Variants in TBCD observed in about 807,000 individuals in gnomAD.
The protein encoded by TBCD is tubulin-specific chaperone D.
TBCD carries 105 observed loss-of-function variants against 169.3 expected under a neutral mutation model. The observed-to-expected ratio is 0.62, with a 90% CI of 0.53 to 0.73. TBCD has a LOEUF of 0.73. TBCD is among the 30% of genes least tolerant of loss of function. The pLI, the probability that TBCD is intolerant of heterozygous loss-of-function variation, is 0.00. For synonymous variants in TBCD, 700 were observed against 643.9 expected, an observed-to-expected ratio of 1.09 and a Z score of -1.32; for missense variants, 1,444 against 1,600.1, an observed-to-expected ratio of 0.90 and a Z score of 1.66.
intron 36 of TBCD, among the ~76,000 whole-genome samples, chr17:82,938,722 CCAGGG>C (rs1292964765): frequency 6.6e-6 from 1 of 151,906 alleles, no homozygotes; most frequent in Non-Finnish European, 1.5e-5. Flanking sequence ...GACATGATGA[CCAGGG>C]CACCACTCAA....
At chr17:82,885,249 G>A (rs1476378726) in intron 15 of TBCD, among the ~76,000 whole-genome samples, 3 of 152,172 alleles carry the variant, frequency 2.0e-5, no homozygotes, top group East Asian at 3.9e-4. Context: ...TTTCCTGTCA[G>A]CCCTGCAGTG....
intron 13 of TBCD, among the ~76,000 whole-genome samples, chr17:82,851,763 T>TA (rs2145666769): frequency 6.6e-6 from 1 of 152,286 alleles, no homozygotes; most frequent in East Asian, 1.9e-4. Context: ...GCAGGAGCCT[T>TA]ACACACGGAA....
intron 32 of TBCD, 77 bp downstream of exon 32, chr17:82,929,577 G>A (rs1179351372): frequency 6.4e-7 from 1 of 1,561,332 alleles, no homozygotes; most frequent in South Asian, 1.1e-5. Flanking sequence ...TTGGGAGCAT[G>A]TATGGAGCTG....
At chr17:82,809,538 C>T (rs926031995) in intron 11 of TBCD, among the ~76,000 whole-genome samples, 170 bp from the exon 12 acceptor site, 9 of 152,146 alleles carry the variant, frequency 5.9e-5, no homozygotes, top group Admixed American at 1.3e-4. Flanking sequence ...TACCCTGCAG[C>T]GTGTTTTAGC....
intron 13 of TBCD, among the ~76,000 whole-genome samples, chr17:82,867,353 C>T (rs1433622253): frequency 1.3e-5 from 2 of 152,314 alleles, no homozygotes; most frequent in South Asian, 2.1e-4. Flanking sequence ...TGGGACTCAG[C>T]GGTTTGCACC....
At chr17:82,781,385 G>A (rs572261458) in intron 6 of TBCD, among the ~76,000 whole-genome samples, 16 of 151,922 alleles carry the variant, frequency 1.1e-4, no homozygotes, top group Non-Finnish European at 2.4e-4. Context: ...TGAGGGCCCT[G>A]GTCAGGGCAG....
At chr17:82,897,823 T>C (rs1417584940) in intron 17 of TBCD, among the ~76,000 whole-genome samples, 1 of 152,228 alleles carries the variant, frequency 6.6e-6, no homozygotes, top group African/African-American at 2.4e-5. Flanking sequence ...TGGTTCTCAC[T>C]GTGTGGACGC....
intron 37 of TBCD, among the ~76,000 whole-genome samples, chr17:82,939,811 C>T (rs907587484): frequency 3.3e-5 from 5 of 152,178 alleles, no homozygotes; most frequent in African/African-American, 1.2e-4. Context: ...CTGCCCCAGA[C>T]CTCTCTAAAG....
intron 13 of TBCD, among the ~76,000 whole-genome samples, chr17:82,826,414 C>CT (rs2052855838): frequency 6.6e-6 from 1 of 151,968 alleles, no homozygotes; most frequent in Non-Finnish European, 1.5e-5. Context: ...ATGAGTCAGG[C>CT]TTTTTTTGTT....
intron 21 of TBCD, 35 bp from the exon 22 acceptor site, chr17:82,909,250 A>G: frequency 6.9e-7 from 1 of 1,446,564 alleles, no homozygotes; most frequent in South Asian, 1.3e-5. Flanking sequence ...TTTAAAATTT[A>G]AATCATTAAA....
intron 27 of TBCD, among the ~76,000 whole-genome samples, chr17:82,925,523 C>T (rs2061671352): frequency 6.6e-6 from 1 of 152,088 alleles, no homozygotes; most frequent in African/African-American, 2.4e-5. Flanking sequence ...CACTGACCAA[C>T]CTGCCGGGAA....
At chr17:82,791,674 T>C (rs539958098) in intron 7 of TBCD, among the ~76,000 whole-genome samples, 8 of 152,356 alleles carry the variant, frequency 5.3e-5, no homozygotes, top group African/African-American at 1.9e-4. Flanking sequence ...GTAATGCTGC[T>C]GGCTGTTTAT....
intron 8 of TBCD, among the ~76,000 whole-genome samples, chr17:82,800,658 C>T (rs1464790630): frequency 2.6e-5 from 4 of 152,176 alleles, no homozygotes; most frequent in East Asian, 3.9e-4. Flanking sequence ...GCTCTCCTGA[C>T]CTCCACTGAT....
rs2061561248 is a variant in TBCD, at chr17:82,923,825, C to T, written c.2260+92C>T. ...GGGCACGGAGGAGGCCTCGGTTGTG[C>T]AGTGGAGCAGAGCCACCACGATCAT... On this transcript the variant is annotated intron_variant, in intron 26 of 38. Coordinates refer to ENST00000355528, the MANE Select transcript of TBCD (RefSeq NM_005993.5). The surrounding 1 kb of genome is among the most constrained non-coding windows in gnomAD (Gnocchi z 4.6). 3 of 1,035,658 alleles carry T rather than the reference C, an allele frequency of 2.9e-6. No individual in the cohort carries two copies. Among genetic ancestry groups the T allele is most frequent in the South Asian group, 3.1e-5 (2 of 64,360 alleles). 64.2% of individuals were successfully genotyped at this position (1,035,658 alleles called of 1,614,324 possible).
intron 35 of TBCD, 103 bp downstream of exon 35, chr17:82,937,463 G>T: frequency 1.0e-6 from 1 of 1,000,036 alleles, no homozygotes; most frequent in South Asian, 1.4e-5. Context: ...AGCAGTTAGT[G>T]TTACTCCTCA....
chr17:82,781,738 G>C lies in TBCD; in HGVS notation c.771+17G>C, dbSNP rs1279693121. On this transcript the variant is annotated intron_variant, in intron 7 of 38. Transcript: ENST00000355528. ...CAGGCCCTGGTAAGTGCTGCCCGCA[G>C]GGGCTGTGGAGATCGCAGGGAAATG... The C allele has an allele frequency of 1.9e-6, 3 of 1,610,942 alleles. No homozygotes were observed. Among genetic ancestry groups the C allele is most frequent in the African/African-American group, 1.3e-5 (1 of 74,984 alleles).
chr17:82,753,273 G>A (rs1250961121), intron 1 of TBCD, among the ~76,000 whole-genome samples: 1 of 152,074 alleles, frequency 6.6e-6, no homozygotes, highest in Non-Finnish European at 1.5e-5. Context: ...TCCTGCCTGT[G>A]AATTCTGGCC....
intron 14 of TBCD, among the ~76,000 whole-genome samples, chr17:82,882,641 C>T (rs994612463): frequency 2.0e-5 from 3 of 151,822 alleles, no homozygotes; most frequent in Admixed American, 1.3e-4. Context: ...GGGTGACAGA[C>T]AGTGCGAGAT....
chr17:82,855,993 C>CTTTTTTTTTTTTTTT (rs60978063), intron 13 of TBCD, among the ~76,000 whole-genome samples: 1 of 66,274 alleles, frequency 1.5e-5, no homozygotes. Context: ...TCCCCCCCCA[C>CTTTTTTTTTTTTTTT]TTTTTTTTTT....
Sources: gnomAD v4.1 joint callset for allele counts (sites outside exome capture counted in the v4.1 genomes callset) on GRCh38, gnomAD v4.1.1 for gene constraint, Gnocchi (gnomAD v3.1) non-coding constraint, MANE v1.5 for transcripts, NCBI Gene and HGNC (gene_info 2026-07-23, HGNC 2026-07-21) for gene names.